The following NREP variants were observed in gnomAD, a reference collection of about 807,000 sequenced individuals.
NREP encodes the protein neuronal regeneration related protein, also known as neuronal regeneration-related protein.
Under a neutral mutation model 8.6 loss-of-function variants are expected in NREP, and 5 were observed. The ratio of observed to expected loss-of-function variants is 0.58; its 90% confidence interval spans 0.30 to 1.22. The LOEUF (loss-of-function observed/expected upper bound fraction) is 1.22. Among genes scored for constraint, NREP ranks in the 50% most tolerant of loss-of-function variants. The pLI is 0.07. For synonymous variants in NREP, 27 were observed against 28.0 expected, an observed-to-expected ratio of 0.96 and a Z score of 0.11; for missense variants, 86 against 82.5, an observed-to-expected ratio of 1.04 and a Z score of -0.17.
At chr5:111,757,372 C>T, upstream of NREP, 1 of 947,156 alleles carries the variant, frequency 1.1e-6, no homozygotes, top group Non-Finnish European at 1.3e-6. Context: ...GAGATCATCT[C>T]CCTGCCTCGC....
chr5:111,841,070 G>C (rs1753019181), intron 2 of NREP, among the ~76,000 whole-genome samples: 2 of 152,062 alleles, frequency 1.3e-5, no homozygotes, highest in African/African-American at 4.8e-5. Flanking sequence ...TTATTAACAT[G>C]ATCCCAGAGA....
intron 2 of NREP, among the ~76,000 whole-genome samples, chr5:111,746,666 A>C (rs965618295): frequency 2.0e-5 from 3 of 152,172 alleles, no homozygotes; most frequent in African/African-American, 7.2e-5. Flanking sequence ...TACAATTAGC[A>C]TCTTATCAAA....
chr5:111,785,495 G>C (rs1260439113), intron 2 of NREP, among the ~76,000 whole-genome samples: 1 of 152,082 alleles, frequency 6.6e-6, no homozygotes, highest in Admixed American at 6.5e-5. Flanking sequence ...AGCCAGGATG[G>C]TCTTGATCTC....
At chr5:111,854,183 T>C (rs2112472191) in intron 2 of NREP, among the ~76,000 whole-genome samples, 1 of 152,212 alleles carries the variant, frequency 6.6e-6, no homozygotes, top group African/African-American at 2.4e-5. Context: ...ATAGAAACAC[T>C]CTCCTTCATG....
At chr5:111,898,134 G>T (rs1194657905) in intron 2 of NREP, among the ~76,000 whole-genome samples, 2 of 152,140 alleles carry the variant, frequency 1.3e-5, no homozygotes, top group Non-Finnish European at 2.9e-5. Context: ...AGCCACTGGA[G>T]AGTTTTGAGC....
chr5:111,792,206 T>C (rs1419555201), intron 2 of NREP, among the ~76,000 whole-genome samples: 1 of 152,202 alleles, frequency 6.6e-6, no homozygotes, highest in Non-Finnish European at 1.5e-5. Flanking sequence ...GGTTTTATAA[T>C]GATATAAGCT....
chr5:111,900,105 C>A (rs1754606454), intron 2 of NREP, among the ~76,000 whole-genome samples: 1 of 151,746 alleles, frequency 6.6e-6, no homozygotes, highest in Non-Finnish European at 1.5e-5. Flanking sequence ...CTTGTAAGAC[C>A]ATAATGAAAT....
chr5:111,758,046 G>A (rs1246098708), upstream of NREP: 5 of 985,426 alleles, frequency 5.1e-6, no homozygotes, highest in African/African-American at 1.7e-5. Flanking sequence ...TGCCTGCGGC[G>A]GCGCGGAGCC....
intron 2 of NREP, among the ~76,000 whole-genome samples, chr5:111,934,375 G>A (rs962490420): frequency 6.6e-6 from 1 of 151,912 alleles, no homozygotes; most frequent in Non-Finnish European, 1.5e-5. Context: ...GTGAAGGGAA[G>A]GTAAAGGTTA....
At chr5:111,862,339 T>C (rs1489578813) in intron 2 of NREP, among the ~76,000 whole-genome samples, 2 of 152,206 alleles carry the variant, frequency 1.3e-5, no homozygotes, top group African/African-American at 2.4e-5. Flanking sequence ...ATATGTCAGA[T>C]AGCAGGGAAG....
At chr5:111,975,393 C>T (rs1307656500) in intron 1 of NREP, 1 of 1,547,470 alleles carries the variant, frequency 6.5e-7, no homozygotes, top group Non-Finnish European at 8.7e-7. Flanking sequence ...AGACAAGACA[C>T]ATGGTAGAAA....
In NREP at chr5:111,782,925, G is replaced by C. The variant is rs116010636; in HGVS notation, c.136-47418C>G. 5.6e-3 allele frequency among the ~76,000 whole-genome samples: 855 copies of C among 152,064 alleles called. 5 individuals are homozygous for C. Among genetic ancestry groups the C allele is most frequent in the African/African-American group, 0.019 (805 of 41,466 alleles). ...AATTTTTGTATTTAAACGAGACAAG[G>C]TTTCGCTATGTTGGCCAGGCTGGTC... On this transcript the variant is annotated intron_variant, in intron 2 of 3. Transcript: ENST00000395634.
chr5:111,755,680 G>T, intron 2 of NREP, 90 bp downstream of exon 2: 1 of 1,400,738 alleles, frequency 7.1e-7, no homozygotes, highest in Non-Finnish European at 1.0e-6. Context: ...AACAATGAAG[G>T]GTTGAGGCGG....
chr5:111,820,830 AAG>A (rs143286881), intron 2 of NREP, among the ~76,000 whole-genome samples: 5,891 of 152,242 alleles, frequency 0.039, 368 homozygotes, highest in African/African-American at 0.13. Flanking sequence ...TTATTGATAG[AAG>A]ATAAGGAAAG....
chr5:111,962,397 A>G (rs1464036943), intron 2 of NREP, among the ~76,000 whole-genome samples: 1 of 152,170 alleles, frequency 6.6e-6, no homozygotes. Context: ...CATCTACAAA[A>G]GGAGAGAAAT....
intron 2 of NREP, among the ~76,000 whole-genome samples, chr5:111,951,260 T>G (rs568612143): frequency 2.8e-4 from 43 of 152,096 alleles, no homozygotes; most frequent in Non-Finnish European, 5.9e-4. Flanking sequence ...AACATCTCAT[T>G]TATTCATTCT....
chr5:111,818,248 T>C (rs977495063), intron 2 of NREP, among the ~76,000 whole-genome samples: 6 of 152,350 alleles, frequency 3.9e-5, no homozygotes, highest in African/African-American at 1.4e-4. Context: ...TAGTTTGATC[T>C]GCTGTGAAGA....
At chr5:111,795,428 T>C (rs901215511) in intron 2 of NREP, among the ~76,000 whole-genome samples, 1 of 152,228 alleles carries the variant, frequency 6.6e-6, no homozygotes, top group Non-Finnish European at 1.5e-5. Flanking sequence ...ACAATCAATC[T>C]GAATTATTCT....
chr5:111,940,667 G>A (rs865873902), intron 2 of NREP, among the ~76,000 whole-genome samples: 11 of 151,996 alleles, frequency 7.2e-5, no homozygotes, highest in Admixed American at 3.9e-4. Context: ...AGAGAGGCAG[G>A]TGACCTCATG....
Sources: allele counts gnomAD v4.1 joint callset (sites outside exome capture counted in the v4.1 genomes callset), GRCh38; gene constraint gnomAD v4.1.1; transcripts MANE v1.5; gene names NCBI Gene and HGNC (gene_info 2026-07-23, HGNC 2026-07-21).